Variants in ZNF318 observed in about 807,000 individuals in gnomAD.
The protein encoded by ZNF318 is endocrine regulator.
ZNF318 carries 51 observed loss-of-function variants against 124.2 expected under a neutral mutation model. The ratio of observed to expected loss-of-function variants is 0.41; its 90% CI spans 0.33 to 0.52. The LOEUF is 0.52. Ranked by LOEUF, ZNF318 falls within the 20% of genes least tolerant of loss-of-function variation. ZNF318 has a pLI of 0.23. For missense variants in ZNF318, 2,815 were observed against 2,811.2 expected, an observed-to-expected ratio of 1.00 and a Z score of -0.03; for synonymous variants, 1,090 against 1,040.7, an observed-to-expected ratio of 1.05 and a Z score of -0.91.
chr6:43,345,210 G>A (rs1469775167), intron 6 of ZNF318, among the ~76,000 whole-genome samples: 1 of 142,794 alleles, frequency 7.0e-6, no homozygotes, highest in Non-Finnish European at 1.5e-5. Context: ...CTGTGTCACT[G>A]CACTCAACTT....
chr6:43,341,101 C>A (rs1779369000), intron 8 of ZNF318, among the ~76,000 whole-genome samples, 193 bp from the exon 9 acceptor site: 1 of 152,278 alleles, frequency 6.6e-6, no homozygotes, highest in South Asian at 2.1e-4. Flanking sequence ...GAACTACAGT[C>A]CTCTATTTCT....
At chr6:43,365,260 G>A (rs1487456056) in intron 2 of ZNF318, 32 bp downstream of exon 2, 1 of 1,604,352 alleles carries the variant, frequency 6.2e-7, no homozygotes, top group South Asian at 1.1e-5. Flanking sequence ...TCAAGTACTA[G>A]TATAGTAGGC....
Position 43,348,196 on chromosome 6 carries a change from C to A in ZNF318, c.3072+128G>T, listed in dbSNP as rs1000609991. ...CTGAAGAGGAGTACCACACTCTGAT[C>A]TATACTGTAAGAAAATAATTAACAA... On this transcript the variant is annotated intron_variant, in intron 6 of 9. Coordinates refer to ENST00000361428, the MANE Select transcript of ZNF318 (RefSeq NM_014345.3). 7 of 960,298 alleles carry A rather than the reference C, an allele frequency of 7.3e-6. No homozygotes were observed. In the African/African-American group the frequency reaches 1.2e-4, roughly 16 times the overall value. 59.5% of individuals were successfully genotyped at this position (960,298 alleles called of 1,614,324 possible).
intron 5 of ZNF318, 119 bp downstream of exon 5, chr6:43,352,258 A>ACATCTGGGAGAAGAGTACCTGAGAATTCT: frequency 1.3e-6 from 1 of 742,334 alleles, no homozygotes; most frequent in Non-Finnish European, 2.2e-6. Context: ...TGTAAGTTTA[A>ACATCTGGGAGAAGAGTACCTGAGAATTCT]TTACGTCAAA....
intron 1 of ZNF318, 96 bp downstream of exon 1, chr6:43,368,871 G>A: frequency 8.0e-7 from 1 of 1,245,650 alleles, no homozygotes; most frequent in African/African-American, 1.6e-5. Flanking sequence ...TCGCGCTTAG[G>A]ACCCTGGTCT....
rs376986876 is a variant in ZNF318 at position 43,348,328 on chromosome 6, T to C, written c.3068A>G (p.Asn1023Ser). Residue 1023 changes from asparagine to serine, a missense_variant, in exon 6 of 10, where the codon AAC (asparagine) becomes AGC (serine). Around this residue, in one of 4 missense-constraint regions of ZNF318, gnomAD observed 1,377 missense variants for 1,353.5 expected, o/e 1.02. Transcript: ENST00000361428. ...ATGGAAAAATTGAGTTGTTACCTTG[T>C]TGGAGGAGGAGTTTGAGAACGATGA... ...KVSSFSNSSS[N>S]KESKVNNEKF... is the part of the protein sequence containing the mutation. The C allele has an allele frequency of 5.0e-6, 8 of 1,602,628 alleles. No homozygotes were observed. Among genetic ancestry groups the C allele is most frequent in the Non-Finnish European group, 6.8e-6 (8 of 1,175,360 alleles).
intron 6 of ZNF318, among the ~76,000 whole-genome samples, chr6:43,343,898 C>A (rs1329778682): frequency 6.6e-6 from 1 of 150,448 alleles, no homozygotes; most frequent in African/African-American, 2.4e-5. Flanking sequence ...ATATCAACTT[C>A]TTAATATTAA....
chr6:43,344,125 A>G (rs534191759), intron 6 of ZNF318, among the ~76,000 whole-genome samples: 1 of 152,064 alleles, frequency 6.6e-6, no homozygotes, highest in South Asian at 2.1e-4. Flanking sequence ...AAAAGGTAGG[A>G]TACAGAAAGG....
intron 2 of ZNF318, among the ~76,000 whole-genome samples, chr6:43,359,437 A>G (rs1581649861): frequency 2.0e-5 from 3 of 152,350 alleles, no homozygotes; most frequent in Admixed American, 2.0e-4. Context: ...GATTTAAATC[A>G]CAGATAGAAA....
At chr6:43,366,034 A>G (rs779308294) in intron 1 of ZNF318, among the ~76,000 whole-genome samples, 18 of 152,128 alleles carry the variant, frequency 1.2e-4, no homozygotes, top group Non-Finnish European at 2.4e-4. Context: ...TAAGCCAAAA[A>G]CAAGTTTAAA....
Position 43,348,581 on chromosome 6 carries a change from C to G in ZNF318, c.2815G>C (p.Asp939His). 2.5e-6 allele frequency: 4 copies of G among 1,614,170 alleles called. No homozygotes were observed. Among genetic ancestry groups the G allele is most frequent in the Non-Finnish European group, 3.4e-6 (4 of 1,180,034 alleles). ...CGACTCACCTCCACCAAGAGAGGAT[C>G]TTTGTGGCCATCCTTCTCCCTTCGT... Reference protein sequence around the residue: ...KKRREKDGHKDPLLVEVSRLQ... With the variant: ...KKRREKDGHKHPLLVEVSRLQ... The change falls in exon 6 of 10, where the codon GAT becomes CAT. Residue 939 changes from aspartate (D) to histidine (H), a missense_variant. By Grantham distance (81) the Asp-to-His change is moderately conservative. Around this residue, in one of 4 missense-constraint regions of ZNF318, gnomAD observed 1,377 missense variants for 1,353.5 expected, o/e 1.02. Transcript: ENST00000361428.
Position 43,367,275 on chromosome 6 carries a change from T to C in ZNF318, c.399+1692A>G, listed in dbSNP as rs561448736. Among the ~76,000 whole-genome samples, 3 of 152,346 alleles carry C rather than the reference T, an allele frequency of 2.0e-5. No individual in the cohort carries two copies. The East Asian group carries it at 5.8e-4, about 29-fold the overall frequency. Reference sequence around the variant, plus strand: ...TTAACTCTATAAGGATAGGAGTTTTTTTCTGGTTTGTACTTTGTTGTATCC... The same window carrying C: ...TTAACTCTATAAGGATAGGAGTTTTCTTCTGGTTTGTACTTTGTTGTATCC... On this transcript the variant is annotated intron_variant, in intron 1 of 9. Transcript: ENST00000361428.
At position 43,357,398 on chromosome 6, in the gene ZNF318, GGCTTC is replaced by G; in HGVS notation, c.911_915del (p.Arg304ThrfsTer4). The stretch of plus-strand genomic sequence containing the variant: ...TCAGGGTCGAGAAACCTAGGACTTG[GGCTTC>G]TTCTACGCTGTCGATAGTTGCGAGT... On this transcript the variant is annotated frameshift_variant, in exon 3 of 10. Transcript: ENST00000361428. LOFTEE classifies it high-confidence loss of function. 1 of 1,614,074 alleles carries G rather than the reference GGCTTC, an allele frequency of 6.2e-7. No homozygotes were observed. Among genetic ancestry groups the G allele is most frequent in the Non-Finnish European group, 8.5e-7 (1 of 1,180,018 alleles).
Position 43,338,646 on chromosome 6 carries a change from CCTTTCT to C in ZNF318, c.5346_5351del (p.Glu1783_Arg1784del), listed in dbSNP as rs1562127707. On this transcript the variant is annotated inframe_deletion, in exon 10 of 10. Coordinates refer to ENST00000361428, the MANE Select transcript of ZNF318 (RefSeq NM_014345.3). Reference sequence around the variant, plus strand: ...CTATCCCCTCAGACAGCTCCTTTACCCTTTCTTTTAGTTCAGTGTTTGTCTCTATCT... The same window carrying C: ...CTATCCCCTCAGACAGCTCCTTTACCTTTAGTTCAGTGTTTGTCTCTATCT... 1.2e-6 allele frequency: 2 copies of C among 1,614,150 alleles called. No individual in the cohort carries two copies. The highest frequency in any genetic ancestry group is 2.2e-5 in the South Asian group (2 of 91,082).
rs1175472637 is a variant in ZNF318, at chr6:43,355,589, A to G, written c.1745T>C (p.Leu582Pro). ...CGCATATTCTGGATTGGTCTCTTCTAGTGATTCTAGCTTTACAGCTGGAGC... is the reference window on the plus strand; with the variant it reads ...CGCATATTCTGGATTGGTCTCTTCTGGTGATTCTAGCTTTACAGCTGGAGC... Reference protein sequence around the residue: ...SSAPAVKLESLEETNPEYAKI... With the variant: ...SSAPAVKLESPEETNPEYAKI... The change falls in exon 4 of 10, where the codon CTA becomes CCA. Residue 582 changes from leucine (L) to proline (P), a missense_variant. Around this residue, in one of 4 missense-constraint regions of ZNF318, gnomAD observed 1,377 missense variants for 1,353.5 expected, o/e 1.02. Transcript: ENST00000361428. 3.1e-6 allele frequency: 5 copies of G among 1,614,140 alleles called. No individual in the cohort carries two copies. The highest frequency in any genetic ancestry group is 4.2e-6 in the Non-Finnish European group (5 of 1,180,024).
intron 6 of ZNF318, among the ~76,000 whole-genome samples, chr6:43,346,824 C>T (rs1304204692): frequency 1.3e-5 from 2 of 151,986 alleles, no homozygotes; most frequent in Non-Finnish European, 2.9e-5. Context: ...TTTGAGGTGA[C>T]GCAGCGTAAG....
intron 2 of ZNF318, among the ~76,000 whole-genome samples, chr6:43,358,831 C>T (rs1209680707): frequency 6.6e-6 from 1 of 152,198 alleles, no homozygotes; most frequent in Non-Finnish European, 1.5e-5. Context: ...GCTGGGATTA[C>T]AGGCGTGAGC....
chr6:43,367,938 T>C lies in ZNF318; in HGVS notation c.399+1029A>G, dbSNP rs576914097. 5.3e-5 allele frequency among the ~76,000 whole-genome samples: 8 copies of C among 152,216 alleles called. No homozygotes were observed. In the East Asian group the frequency reaches 5.8e-4, roughly 11 times the overall value. On this transcript the variant is annotated intron_variant, in intron 1 of 9. Coordinates refer to ENST00000361428, the MANE Select transcript of ZNF318 (RefSeq NM_014345.3). ...TACTTGGGAGGCTGAGGCGGGAGGA[T>C]TGATTGAACCCCGGAGGCGGAGGTT...
At chr6:43,357,986 T>C (rs1779634017) in intron 2 of ZNF318, among the ~76,000 whole-genome samples, 2 of 152,214 alleles carry the variant, frequency 1.3e-5, no homozygotes, top group South Asian at 4.1e-4. Context: ...ATAGATCTCT[T>C]GGGTAATTTC....
Sources: allele counts gnomAD v4.1 joint callset (sites outside exome capture counted in the v4.1 genomes callset), GRCh38; gene constraint gnomAD v4.1.1; regional missense constraint gnomAD v4.1.1; transcripts MANE v1.5; gene names NCBI Gene and HGNC (gene_info 2026-07-23, HGNC 2026-07-21).